The following JAK3 variants were observed in gnomAD, a reference collection of about 807,000 sequenced individuals.
JAK3 encodes the protein Janus kinase 3.
A neutral mutation model predicts 120.8 loss-of-function variants in JAK3; 88 were observed. The ratio of observed to expected loss-of-function variants is 0.73; its 90% CI spans 0.61 to 0.87. JAK3 has a LOEUF of 0.87. JAK3 is among the 40% of genes least tolerant of loss of function. The pLI is 0.00. For synonymous variants in JAK3, 592 were observed against 628.6 expected, an observed-to-expected ratio of 0.94 and a Z score of 0.87; for missense variants, 1,254 against 1,501.4, an observed-to-expected ratio of 0.84 and a Z score of 2.72.
In JAK3 at chr19:17,826,605, C is replaced by A. The variant is rs3212800; in HGVS notation, c.*138G>T. ...CTATTCTACAGGCCACGGGAGCCCC[C>A]CCAAATGCAATGTCATGGGGGTGTT... On this transcript the variant is annotated 3_prime_UTR_variant, in exon 24 of 24. Coordinates refer to ENST00000458235, the MANE Select transcript of JAK3 (RefSeq NM_000215.4). The A allele has an allele frequency of 1.4e-5, 13 of 960,052 alleles. No individual in the cohort carries two copies. Among genetic ancestry groups the A allele is most frequent in the Non-Finnish European group, 2.0e-5 (12 of 590,746 alleles). 59.5% of individuals were successfully genotyped at this position (960,052 alleles called of 1,614,324 possible). A position where few individuals can be genotyped will look rare whatever the true frequency, so the allele number is the denominator to read the frequency against.
chr19:17,830,452 C>G (rs2094211749), intron 22 of JAK3, 51 bp downstream of exon 22: 1 of 1,450,338 alleles, frequency 6.9e-7, no homozygotes, highest in Non-Finnish European at 9.6e-7. Context: ...AGATTGGCCA[C>G]GAGGGGCGTG....
rs1435345586 is a variant in JAK3, at chr19:17,831,535, C to A, written c.2806-135G>T. Reference sequence around the variant, plus strand: ...AGCCATCCTCCACTGAAGTTCTGATCCTGAGCCCTAAGCCAACCCCACCAC... The same window carrying A: ...AGCCATCCTCCACTGAAGTTCTGATACTGAGCCCTAAGCCAACCCCACCAC... On this transcript the variant is annotated intron_variant, in intron 20 of 23. Transcript: ENST00000458235. The surrounding 1 kb of genome is among the most constrained non-coding windows in gnomAD (Gnocchi z 5.1). 2.0e-6 allele frequency: 3 copies of A among 1,505,184 alleles called. No homozygotes were observed. The highest frequency in any genetic ancestry group is 1.4e-5 in the African/African-American group (1 of 72,638). The allele number at this position is 1,505,184 out of a possible 1,614,324, so 93.2% of individuals were successfully genotyped here.
Position 17,826,625 on chromosome 19 carries a change from G to C in JAK3, c.*118C>G. ...GCCCCCCCAAATGCAATGTCATGGGGGTGTTCCTGAAGTAGAGGACCCTCA... is the reference window on the plus strand; with the variant it reads ...GCCCCCCCAAATGCAATGTCATGGGCGTGTTCCTGAAGTAGAGGACCCTCA... On this transcript the variant is annotated 3_prime_UTR_variant, in exon 24 of 24. Coordinates refer to ENST00000458235, the MANE Select transcript of JAK3 (RefSeq NM_000215.4). 1 of 1,088,530 alleles carries C rather than the reference G, an allele frequency of 9.2e-7. No homozygotes were observed. The highest frequency in any genetic ancestry group is 1.7e-5 in the Admixed American group (1 of 59,048). 67.4% of individuals were successfully genotyped at this position (1,088,530 alleles called of 1,614,324 possible).
chr19:17,847,878 G>C, intron 1 of JAK3, 68 bp downstream of exon 1: 8 of 645,204 alleles, frequency 1.2e-5, no homozygotes, highest in Non-Finnish European at 1.4e-5. Context: ...CCCCAGCCCA[G>C]CCATCCCCCG....
chr19:17,829,864 A>C (rs1599865559), intron 23 of JAK3: 1 of 597,024 alleles, frequency 1.7e-6, no homozygotes, highest in Admixed American at 2.8e-5. Flanking sequence ...GGTGTTCAGG[A>C]GTCTAATCTT....
Position 17,830,141 on chromosome 19 carries a change from C to T in JAK3, c.3174G>A (p.Gln1058=), listed in dbSNP as rs773788067. The stretch of plus-strand genomic sequence containing the variant: ...GGCAGGCAGGAGGCGCCGGCAGCCT[C>T]TGGCCCTCCTCCAGCAGTTCCAAGA... ...CRLLELLEEG[Q]RLPAPPACPA... is the part of the protein sequence containing the mutation. Residue 1058 remains glutamine (Q), a synonymous_variant, in exon 23 of 24, where the codon CAG becomes CAA. Transcript: ENST00000458235. The T allele has an allele frequency of 6.3e-7, 1 of 1,591,656 alleles. No homozygotes were observed. Among genetic ancestry groups the T allele is most frequent in the Non-Finnish European group, 8.5e-7 (1 of 1,170,266 alleles).
Position 17,831,452 on chromosome 19 carries a change from G to C in JAK3, c.2806-52C>G, listed in dbSNP as rs2094214386. The C allele has an allele frequency of 1.9e-6, 3 of 1,596,334 alleles. No homozygotes were observed. In the African/African-American group the frequency reaches 4.0e-5, roughly 21 times the overall value. ...GAGAGGATCCCAGGATAATCCGGCA[G>C]GTACCCCAAGCGTGACCTGGCACCC... On this transcript the variant is annotated intron_variant, in intron 20 of 23. Coordinates refer to ENST00000458235, the MANE Select transcript of JAK3 (RefSeq NM_000215.4). This position sits in a 1 kb window ranked among gnomAD's most constrained non-coding sequence, Gnocchi z 5.1.
Position 17,844,443 on chromosome 19 carries a change from G to C in JAK3, c.-13-13C>G, listed in dbSNP as rs2094247544. On this transcript the variant is annotated splice_polypyrimidine_tract_variant and intron_variant, in intron 1 of 23. Coordinates refer to ENST00000458235, the MANE Select transcript of JAK3 (RefSeq NM_000215.4). Reference sequence around the variant, plus strand: ...GAGTGCAACTTGCCTGGGGCACAGAGAGAAAAAGCCCCTCAGTCCTGGTCA... The same window carrying C: ...GAGTGCAACTTGCCTGGGGCACAGACAGAAAAAGCCCCTCAGTCCTGGTCA... 1 of 1,595,988 alleles carries C rather than the reference G, an allele frequency of 6.3e-7. No homozygotes were observed. The highest frequency in any genetic ancestry group is 8.5e-7 in the Non-Finnish European group (1 of 1,172,030).
intron 10 of JAK3, 113 bp from the exon 11 acceptor site, chr19:17,838,503 A>C: frequency 1.7e-6 from 2 of 1,168,498 alleles, no homozygotes; most frequent in Non-Finnish European, 2.5e-6. Context: ...CCCTGAGATG[A>C]AGACTTCAGG....
intron 1 of JAK3, among the ~76,000 whole-genome samples, chr19:17,846,168 C>A (rs3213404): frequency 6.6e-6 from 1 of 152,224 alleles, no homozygotes; most frequent in East Asian, 1.9e-4. Context: ...ACTCAGCTTT[C>A]GCAGCTGTGA....
chr19:17,826,719 A>G lies in JAK3; in HGVS notation c.*24T>C. On this transcript the variant is annotated 3_prime_UTR_variant, in exon 24 of 24. Transcript: ENST00000458235. ...TCACACAGCCAGTCAACAGAGACCT[A>G]ATCCAGAGGTCTGCGGGCAGGAGCT... 1 of 1,613,284 alleles carries G rather than the reference A, an allele frequency of 6.2e-7. No homozygotes were observed. Among genetic ancestry groups the G allele is most frequent in the Non-Finnish European group, 8.5e-7 (1 of 1,179,240 alleles).
At chr19:17,840,915 T>C (rs538860199) in intron 8 of JAK3, among the ~76,000 whole-genome samples, 5 of 152,182 alleles carry the variant, frequency 3.3e-5, no homozygotes, top group East Asian at 1.9e-4. Context: ...ACTCCTGGGC[T>C]CAAGTGATCC....
intron 8 of JAK3, 115 bp from the exon 9 acceptor site, chr19:17,840,456 T>C (rs549819388): frequency 1.3e-5 from 9 of 717,688 alleles, no homozygotes; most frequent in Non-Finnish European, 2.2e-5. Context: ...GGTGACACCC[T>C]CCCCCCATTT....
At position 17,832,484 on chromosome 19, in the gene JAK3, T is replaced by TA. The variant is rs2094216109; in HGVS notation, c.2680+34dup. On this transcript the variant is annotated intron_variant, in intron 19 of 23. Transcript: ENST00000458235. This position sits in a 1 kb window ranked among gnomAD's most constrained non-coding sequence, Gnocchi z 4.7. ...GAATGTGCACTTTGAAAAGCACCCA[T>TA]ACGTCTTGGTTCACTCATCCGGGAG... 2 of 1,608,892 alleles carry TA rather than the reference T, an allele frequency of 1.2e-6. No homozygotes were observed. Among genetic ancestry groups the TA allele is most frequent in the Non-Finnish European group, 8.5e-7 (1 of 1,175,378 alleles).
In JAK3 at chr19:17,840,237, C is replaced by T; in HGVS notation, c.1247G>A (p.Cys416Tyr). ...QDFDSFLLTV[C>Y]VQNPLGPDYK... Reference sequence around the variant, plus strand: ...CCCTAGCAGTAGACCGACCTGGACACAGACAGTGAGGAGGAAGCTGTCAAA... The same window carrying T: ...CCCTAGCAGTAGACCGACCTGGACATAGACAGTGAGGAGGAAGCTGTCAAA... Residue 416 changes from cysteine (C) to tyrosine (Y), a missense_variant, in exon 9 of 24, where the codon TGT becomes TAT. Cys to Tyr is a radical substitution (Grantham distance 194). Around this residue, in one of 3 missense-constraint regions of JAK3, gnomAD observed 486 missense variants for 503.0 expected, o/e 0.97. Coordinates refer to ENST00000458235, the MANE Select transcript of JAK3 (RefSeq NM_000215.4). 6.2e-7 allele frequency: 1 copy of T among 1,612,508 alleles called. No individual in the cohort carries two copies. The highest frequency in any genetic ancestry group is 1.1e-5 in the South Asian group (1 of 91,038).
rs1599879569 is a variant in JAK3, at chr19:17,842,630, G to A, written c.567-20C>T. ...TTGTAGCTGCAGGGGTTGGAGGGGAGGGAGCCGGCCCTCAGCGTCGGGAGG... is the reference window on the plus strand; with the variant it reads ...TTGTAGCTGCAGGGGTTGGAGGGGAAGGAGCCGGCCCTCAGCGTCGGGAGG... On this transcript the variant is annotated intron_variant, in intron 5 of 23. Coordinates refer to ENST00000458235, the MANE Select transcript of JAK3 (RefSeq NM_000215.4). This position sits in a 1 kb window ranked among gnomAD's most constrained non-coding sequence, Gnocchi z 6.4. 6.5e-7 allele frequency: 1 copy of A among 1,545,528 alleles called. No homozygotes were observed. The highest frequency in any genetic ancestry group is 1.2e-5 in the South Asian group (1 of 83,110).
At chr19:17,844,211 C>A (rs763653304) in intron 2 of JAK3, 23 bp downstream of exon 2, 1 of 1,564,830 alleles carries the variant, frequency 6.4e-7, no homozygotes, top group Non-Finnish European at 8.7e-7. Context: ...CCCTCTGGCC[C>A]GATCCACTAG....
In JAK3 at chr19:17,830,216, C is replaced by G; in HGVS notation, c.3099G>C (p.Glu1033Asp). Residue 1033 changes from glutamate to aspartate, a missense_variant and splice_region_variant, in exon 23 of 24, where the codon GAG becomes GAC. By Grantham distance (45) the Glu-to-Asp change is conservative (BLOSUM62 2). This residue lies in a region of JAK3 where 630 missense variants were observed against 819.8 expected (regional missense o/e 0.77). Coordinates refer to ENST00000458235, the MANE Select transcript of JAK3 (RefSeq NM_000215.4). The part of the protein sequence containing the change: ...YCDKSCSPSA[E>D]FLRMMGCERD... ...GCTCACATCCCATCATCCGCAGGAA[C>G]TCCTGGAGCCAAGGAGGAGCGCATG... 1 of 1,569,336 alleles carries G rather than the reference C, an allele frequency of 6.4e-7. No individual in the cohort carries two copies.
intron 12 of JAK3, among the ~76,000 whole-genome samples, chr19:17,837,661 C>T (rs923323258): frequency 2.0e-5 from 3 of 151,968 alleles, no homozygotes; most frequent in African/African-American, 4.8e-5. Flanking sequence ...ATGATCTGCC[C>T]GCCTCAGCCT....
Sources: allele counts gnomAD v4.1 joint callset (sites outside exome capture counted in the v4.1 genomes callset), GRCh38; gene constraint gnomAD v4.1.1; regional missense constraint gnomAD v4.1.1; non-coding constraint Gnocchi (gnomAD v3.1); transcripts MANE v1.5; gene names NCBI Gene and HGNC (gene_info 2026-07-23, HGNC 2026-07-21).